COL23A1: variants seen among roughly 807,000 people sequenced by gnomAD.
The protein encoded by COL23A1 is collagen alpha-1(XXIII) chain.
Under a neutral mutation model 99.3 loss-of-function variants are expected in COL23A1, and 97 were observed. The ratio of observed to expected loss-of-function variants is 0.98; its 90% confidence interval spans 0.83 to 1.16. The LOEUF (loss-of-function observed/expected upper bound fraction) is 1.16. COL23A1 is among the 50% of genes most tolerant of loss of function. COL23A1 has a pLI of 0.00. For synonymous variants in COL23A1, 320 were observed against 308.2 expected (o/e 1.04, Z -0.40); for missense variants, 762 against 757.4 (o/e 1.01, Z -0.07).
intron 2 of COL23A1, among the ~76,000 whole-genome samples, chr5:178,524,741 A>T (rs901430720): frequency 2.0e-5 from 3 of 152,172 alleles, no homozygotes; most frequent in Admixed American, 2.0e-4. Flanking sequence ...ATGCCCCTGA[A>T]GCAGGGCCTT....
At chr5:178,476,994 G>A (rs1182655825) in intron 2 of COL23A1, among the ~76,000 whole-genome samples, 1 of 152,158 alleles carries the variant, frequency 6.6e-6, no homozygotes. Context: ...TTCTACCTGT[G>A]TTACCCAACT....
At chr5:178,419,959 A>G (rs1765515115) in intron 2 of COL23A1, among the ~76,000 whole-genome samples, 1 of 152,220 alleles carries the variant, frequency 6.6e-6, no homozygotes, top group African/African-American at 2.4e-5. Flanking sequence ...CGTTCTGACC[A>G]CGAGGCACCC....
chr5:178,320,191 T>C (rs1045388423), intron 2 of COL23A1, among the ~76,000 whole-genome samples: 2 of 152,258 alleles, frequency 1.3e-5, no homozygotes, highest in Non-Finnish European at 2.9e-5. Context: ...TCAGAGTTTA[T>C]GGTTTCTCTC....
intron 2 of COL23A1, among the ~76,000 whole-genome samples, chr5:178,373,193 C>A (rs1177985269): frequency 6.6e-6 from 1 of 152,198 alleles, no homozygotes; most frequent in Non-Finnish European, 1.5e-5. Flanking sequence ...ACCAGCTGGC[C>A]TTGTGCCCTT....
chr5:178,402,811 G>A (rs1764520668), intron 2 of COL23A1, among the ~76,000 whole-genome samples: 2 of 151,948 alleles, frequency 1.3e-5, no homozygotes, highest in Admixed American at 6.6e-5. Context: ...AAAATATCAC[G>A]TTTCCTCCAA....
chr5:178,331,918 T>C (rs967677548), intron 2 of COL23A1, among the ~76,000 whole-genome samples: 6 of 152,150 alleles, frequency 3.9e-5, no homozygotes, highest in African/African-American at 1.4e-4. Flanking sequence ...CAAAGCCACT[T>C]GGCTAGAGGG....
intron 2 of COL23A1, among the ~76,000 whole-genome samples, chr5:178,413,239 A>G (rs1765139448): frequency 6.6e-6 from 1 of 152,242 alleles, no homozygotes; most frequent in Non-Finnish European, 1.5e-5. Flanking sequence ...GCTTAGAACC[A>G]TGGAGAAATT....
At chr5:178,518,241 G>A (rs1228868238) in intron 2 of COL23A1, among the ~76,000 whole-genome samples, 1 of 145,280 alleles carries the variant, frequency 6.9e-6, no homozygotes, top group Non-Finnish European at 1.5e-5. Flanking sequence ...AGGATCCCAA[G>A]GCAGAGGAAT....
intron 2 of COL23A1, among the ~76,000 whole-genome samples, chr5:178,457,580 T>G (rs1252348076): frequency 6.6e-6 from 1 of 152,202 alleles, no homozygotes; most frequent in African/African-American, 2.4e-5. Context: ...AAAAAAATTT[T>G]ACTTCAAATA....
intron 2 of COL23A1, among the ~76,000 whole-genome samples, chr5:178,369,324 C>G (rs924252448): frequency 3.9e-5 from 6 of 152,212 alleles, no homozygotes; most frequent in Non-Finnish European, 8.8e-5. Context: ...CCAATTCCAG[C>G]TCCCAGGAAA....
rs995515009 is a variant in COL23A1, at chr5:178,306,433, A to C, written c.406+442T>G. On this transcript the variant is annotated intron_variant, in intron 3 of 28. Transcript: ENST00000390654. The surrounding 1 kb of genome is among the most constrained non-coding windows in gnomAD (Gnocchi z 4.1). ...ACAGGTGCCTCTGTGGGCTGCAGGG[A>C]AGGGAGGTGGGGGAGTCTCCTCCTG... 6.6e-6 allele frequency among the ~76,000 whole-genome samples: 1 copy of C among 151,578 alleles called. No individual in the cohort carries two copies. The highest frequency in any genetic ancestry group is 6.6e-5 in the Admixed American group (1 of 15,224).
In COL23A1 at chr5:178,280,983, G is replaced by A. The variant is rs1343340830; in HGVS notation, c.441+7341C>T. Among the ~76,000 whole-genome samples the A allele has an allele frequency of 6.6e-6, 1 of 152,196 alleles. No individual in the cohort carries two copies. The highest frequency in any genetic ancestry group is 1.5e-5 in the Non-Finnish European group (1 of 68,026). On this transcript the variant is annotated intron_variant, in intron 5 of 28. Coordinates refer to ENST00000390654, the MANE Select transcript of COL23A1 (RefSeq NM_173465.4). This position sits in a 1 kb window ranked among gnomAD's most constrained non-coding sequence, Gnocchi z 4.9. ...ACGGGGACACTGGGGACACAGTGCT[G>A]GACCAAGACAAGAGGCTGGACTCAA...
At chr5:178,275,346 C>T (rs1389750918) in intron 5 of COL23A1, among the ~76,000 whole-genome samples, 1 of 152,224 alleles carries the variant, frequency 6.6e-6, no homozygotes, top group Non-Finnish European at 1.5e-5. Flanking sequence ...AAGAGGCCGG[C>T]AGCAGGACCC....
chr5:178,541,314 A>C (rs1761271577), intron 2 of COL23A1, among the ~76,000 whole-genome samples: 1 of 152,170 alleles, frequency 6.6e-6, no homozygotes, highest in African/African-American at 2.4e-5. Context: ...GGGGCCGGGC[A>C]CAGTGGCTCA....
rs1051780619 is a variant in COL23A1 at position 178,309,707 on chromosome 5, C to A, written c.362-2788G>T. ...CCCAAGCAGTCAAGCCAGAGACCCC[C>A]CCCCGGGCATCATCCTGCCCCAGCC... is the stretch of plus-strand genomic sequence containing the variant. On this transcript the variant is annotated intron_variant, in intron 2 of 28. Coordinates refer to ENST00000390654, the MANE Select transcript of COL23A1 (RefSeq NM_173465.4). This position sits in a 1 kb window ranked among gnomAD's most constrained non-coding sequence, Gnocchi z 4.7. Among the ~76,000 whole-genome samples, 1 of 151,978 alleles carries A rather than the reference C, an allele frequency of 6.6e-6. No individual in the cohort carries two copies. Among genetic ancestry groups the A allele is most frequent in the South Asian group, 2.1e-4 (1 of 4,820 alleles).
In COL23A1 at chr5:178,281,005, T is replaced by G. The variant is rs1756868074; in HGVS notation, c.441+7319A>C. Among the ~76,000 whole-genome samples, 1 of 152,158 alleles carries G rather than the reference T, an allele frequency of 6.6e-6. No homozygotes were observed. Among genetic ancestry groups the G allele is most frequent in the Non-Finnish European group, 1.5e-5 (1 of 68,024 alleles). ...GCTGGACCAAGACAAGAGGCTGGAC[T>G]CAAGAGACTTAGGGCCCTGGGGAGA... On this transcript the variant is annotated intron_variant, in intron 5 of 28. Transcript: ENST00000390654. This position sits in a 1 kb window ranked among gnomAD's most constrained non-coding sequence, Gnocchi z 4.0.
chr5:178,488,804 A>G (rs529517751), intron 2 of COL23A1, among the ~76,000 whole-genome samples: 81 of 152,300 alleles, frequency 5.3e-4, no homozygotes, highest in African/African-American at 1.8e-3. Flanking sequence ...CCGTGAGGGT[A>G]GCTAAGGAAG....
chr5:178,387,644 CT>C lies in COL23A1; in HGVS notation c.362-80726del, dbSNP rs1196186869. On this transcript the variant is annotated intron_variant, in intron 2 of 28. Transcript: ENST00000390654. The surrounding 1 kb of genome is among the most constrained non-coding windows in gnomAD (Gnocchi z 4.7). The stretch of plus-strand genomic sequence containing the variant: ...CTTCTAGAGGCTCATGACCATTTAC[CT>C]TTTATCCCCAGTACGAATACAAAGA... Among the ~76,000 whole-genome samples, 1 of 152,192 alleles carries C rather than the reference CT, an allele frequency of 6.6e-6. No homozygotes were observed. Among genetic ancestry groups the C allele is most frequent in the East Asian group, 1.9e-4 (1 of 5,194 alleles).
intron 2 of COL23A1, among the ~76,000 whole-genome samples, chr5:178,376,364 T>C (rs1371561309): frequency 1.3e-5 from 2 of 152,248 alleles, no homozygotes; most frequent in Non-Finnish European, 2.9e-5. Flanking sequence ...GGTATTATCA[T>C]TTCCGTTTCT....
Sources: allele counts gnomAD v4.1 joint callset (sites outside exome capture counted in the v4.1 genomes callset), GRCh38; gene constraint gnomAD v4.1.1; non-coding constraint Gnocchi (gnomAD v3.1); transcripts MANE v1.5; gene names NCBI Gene and HGNC (gene_info 2026-07-23, HGNC 2026-07-21).